POLR3F: variants seen among roughly 807,000 people sequenced by gnomAD.
POLR3F encodes the protein DNA-directed RNA polymerase III subunit RPC6.
Under a neutral mutation model 43.6 loss-of-function variants are expected in POLR3F, and 31 were observed. That is an observed-to-expected ratio of 0.71 (90% CI 0.53 to 0.96). The LOEUF is 0.96. Among genes scored for constraint, POLR3F ranks in the 40% least tolerant of loss-of-function variants. POLR3F has a pLI of 0.00. For synonymous variants in POLR3F, 114 were observed against 132.5 expected, an observed-to-expected ratio of 0.86 and a Z score of 0.96; for missense variants, 316 against 391.7, an observed-to-expected ratio of 0.81 and a Z score of 1.63.
intron 2 of POLR3F, among the ~76,000 whole-genome samples, chr20:18,470,895 C>A (rs1468513693): frequency 6.6e-6 from 1 of 152,180 alleles, no homozygotes; most frequent in African/African-American, 2.4e-5. Context: ...CACACCCCCT[C>A]CATTTCTATC....
intron 4 of POLR3F, among the ~76,000 whole-genome samples, chr20:18,473,838 G>A (rs561598841): frequency 8.3e-4 from 127 of 152,098 alleles, no homozygotes; most frequent in African/African-American, 2.8e-3. Context: ...ATAAATTGTG[G>A]ATGCTGACAC....
intron 5 of POLR3F, among the ~76,000 whole-genome samples, chr20:18,475,466 CT>C (rs1193850725): frequency 1.3e-5 from 2 of 152,234 alleles, no homozygotes; most frequent in Non-Finnish European, 2.9e-5. Flanking sequence ...AGATAATTTA[CT>C]TTATCCCGAC....
chr20:18,469,066 G>A lies in POLR3F; in HGVS notation c.180+5G>A, dbSNP rs773822679. 4.0e-6 allele frequency: 5 copies of A among 1,262,710 alleles called. No individual in the cohort carries two copies. The highest frequency in any genetic ancestry group is 5.8e-6 in the Non-Finnish European group (5 of 859,336). 78.2% of individuals were successfully genotyped at this position (1,262,710 alleles called of 1,614,324 possible). Reference sequence around the variant, plus strand: ...ATCAATAGGTTGTTGTCTATGGTAAGGTGAATCTAACTATTTTGCATAATT... The same window carrying A: ...ATCAATAGGTTGTTGTCTATGGTAAAGTGAATCTAACTATTTTGCATAATT... On this transcript the variant is annotated splice_donor_5th_base_variant and intron_variant, in intron 2 of 8. Coordinates refer to ENST00000377603, the MANE Select transcript of POLR3F (RefSeq NM_006466.4).
At chr20:18,481,195 C>T (rs2059807390) in intron 7 of POLR3F, among the ~76,000 whole-genome samples, 1 of 152,126 alleles carries the variant, frequency 6.6e-6, no homozygotes, top group Non-Finnish European at 1.5e-5. Flanking sequence ...TACTCCACCC[C>T]AGCATAATGT....
At chr20:18,468,295 T>A (rs2059715462) in intron 1 of POLR3F, among the ~76,000 whole-genome samples, 1 of 152,250 alleles carries the variant, frequency 6.6e-6, no homozygotes, top group Non-Finnish European at 1.5e-5. Context: ...TGGGATGGTC[T>A]CGATCTCCTG....
Position 18,483,773 on chromosome 20 carries a change from GAAATTCATTCTTC to G in POLR3F, c.*218_*230del, listed in dbSNP as rs549163757. ...ATATGAAAGAAATAAGGTTAGTAGT[GAAATTCATTCTTC>G]AATAAATAAAACACTTTGAAACTCC... On this transcript the variant is annotated 3_prime_UTR_variant, in exon 9 of 9. Coordinates refer to ENST00000377603, the MANE Select transcript of POLR3F (RefSeq NM_006466.4). 9.7e-3 allele frequency: 3,975 copies of G among 411,834 alleles called. 42 individuals are homozygous for G. Among genetic ancestry groups the G allele is most frequent in the South Asian group, 0.044 (484 of 11,110 alleles). 25.5% of individuals were successfully genotyped at this position (411,834 alleles called of 1,614,324 possible).
In POLR3F at chr20:18,467,444, C is replaced by T; in HGVS notation, c.-63C>T. The T allele has an allele frequency of 7.6e-6, 12 of 1,580,136 alleles. No homozygotes were observed. The highest frequency in any genetic ancestry group is 2.2e-5 in the East Asian group (1 of 44,736). ...CTATCCTCCACTGGTTCCCCGGGTT[C>T]CCCGGCTTGCTACCGGGCTGCTCCG... On this transcript the variant is annotated 5_prime_UTR_variant, in exon 1 of 9. Transcript: ENST00000377603.
intron 2 of POLR3F, among the ~76,000 whole-genome samples, chr20:18,471,165 C>T (rs1443058664): frequency 1.3e-5 from 2 of 152,186 alleles, no homozygotes; most frequent in Non-Finnish European, 2.9e-5. Flanking sequence ...TGTTCACCAG[C>T]CTCATCTCCA....
chr20:18,467,686 A>G, intron 1 of POLR3F, 118 bp downstream of exon 1: 1 of 1,544,986 alleles, frequency 6.5e-7, no homozygotes, highest in Non-Finnish European at 8.7e-7. Flanking sequence ...GCACGCGGGA[A>G]AAACGATTGC....
chr20:18,480,063 T>C lies in POLR3F; in HGVS notation c.455T>C (p.Leu152Pro). 2 of 1,611,908 alleles carry C rather than the reference T, an allele frequency of 1.2e-6. No homozygotes were observed. Among genetic ancestry groups the C allele is most frequent in the Non-Finnish European group, 1.7e-6 (2 of 1,178,748 alleles). Residue 152 changes from leucine (L) to proline (P), a missense_variant, in exon 6 of 9, where the codon CTC (leucine) becomes CCC (proline). Transcript: ENST00000377603. ...VAASKKKVYM[L>P]YNLQPDRSVT... ...GCCTCAAAAAAGAAGGTGTATATGC[T>C]CTATAACCTGCAGCCAGACCGGTCT... is the stretch of plus-strand genomic sequence containing the variant.
Position 18,467,428 on chromosome 20 carries a change from A to G in POLR3F, c.-79A>G, listed in dbSNP as rs730203. On this transcript the variant is annotated 5_prime_UTR_variant, in exon 1 of 9. Coordinates refer to ENST00000377603, the MANE Select transcript of POLR3F (RefSeq NM_006466.4). ...CGGCCTCAGCAGAGCGCTATCCTCC[A>G]CTGGTTCCCCGGGTTCCCCGGCTTG... is the stretch of plus-strand genomic sequence containing the variant. The G allele has an allele frequency of 6.5e-5, 98 of 1,511,092 alleles. No homozygotes were observed. The highest frequency in any genetic ancestry group is 3.4e-4 in the Middle Eastern group (2 of 5,862). 93.6% of individuals were successfully genotyped at this position (1,511,092 alleles called of 1,614,324 possible).
At position 18,483,476 on chromosome 20, in the gene POLR3F, TA is replaced by T; in HGVS notation, c.874-2del. The T allele has an allele frequency of 1.4e-6, 2 of 1,413,092 alleles. No homozygotes were observed. Among genetic ancestry groups the T allele is most frequent in the Non-Finnish European group, 9.8e-7 (1 of 1,021,568 alleles). The allele number at this position is 1,413,092 out of a possible 1,614,324, so 87.5% of individuals were successfully genotyped here. A position where few individuals can be genotyped will look rare whatever the true frequency, so the allele number is the denominator to read the frequency against. On this transcript the variant is annotated splice_polypyrimidine_tract_variant and splice_region_variant and intron_variant, in intron 8 of 8. Transcript: ENST00000377603. ...TTGAATATAATTTTTTTTTCTTTTT[TA>T]AAGGTTTTTGATGACTGCCACGAAG...
At chr20:18,470,188 TAA>T (rs1013095470) in intron 2 of POLR3F, among the ~76,000 whole-genome samples, 9 of 152,358 alleles carry the variant, frequency 5.9e-5, no homozygotes, top group Non-Finnish European at 1.3e-4. Context: ...GCAGTTAGGT[TAA>T]AGAGTTCTAC....
At chr20:18,479,153 A>G (rs1645990834) in intron 5 of POLR3F, among the ~76,000 whole-genome samples, 1 of 152,062 alleles carries the variant, frequency 6.6e-6, no homozygotes. Flanking sequence ...TTTCAAAAAA[A>G]AAAAGAAAAG....
intron 7 of POLR3F, 137 bp from the exon 8 acceptor site, chr20:18,481,481 CA>C: frequency 1.6e-6 from 1 of 619,134 alleles, no homozygotes; most frequent in Non-Finnish European, 2.9e-6. Context: ...TCAAGTGATC[CA>C]CCTGCCTCGG....
At chr20:18,468,419 G>A (rs536615665) in intron 1 of POLR3F, among the ~76,000 whole-genome samples, 5 of 152,260 alleles carry the variant, frequency 3.3e-5, no homozygotes, top group East Asian at 3.9e-4. Flanking sequence ...AGATTTTCAC[G>A]TAGTTTTAAA....
intron 7 of POLR3F, 81 bp downstream of exon 7, chr20:18,480,590 ATTGT>A (rs2059804883): frequency 4.0e-6 from 3 of 747,790 alleles, no homozygotes; most frequent in Non-Finnish European, 6.3e-6. Flanking sequence ...TTTGACCCAC[ATTGT>A]TTTTTTTTTT....
intron 2 of POLR3F, among the ~76,000 whole-genome samples, chr20:18,472,248 A>C (rs907284532): frequency 6.6e-6 from 1 of 152,118 alleles, no homozygotes; most frequent in Non-Finnish European, 1.5e-5. Flanking sequence ...GCTTTTCAAG[A>C]TGGAGTCTTG....
At position 18,481,793 on chromosome 20, in the gene POLR3F, C is replaced by G; in HGVS notation, c.856C>G (p.Pro286Ala). The change falls in exon 8 of 9, where the codon CCC (proline) becomes GCC (alanine). Residue 286 changes from proline (P) to alanine (A), a missense_variant. Physicochemically the swap from Pro to Ala is conservative, Grantham distance 27 (BLOSUM62 -1). This residue lies in a region of POLR3F where 85 missense variants were observed against 80.2 expected (regional missense o/e 1.06). Coordinates refer to ENST00000377603, the MANE Select transcript of POLR3F (RefSeq NM_006466.4). ...IIPPTGLVRA[P>A]CGLCPVFDDC... ...CCCTCCCACAGGTTTGGTCCGGGCACCCTGTGGACTCTGCCCGGTGAGTTA... is the reference window on the plus strand; with the variant it reads ...CCCTCCCACAGGTTTGGTCCGGGCAGCCTGTGGACTCTGCCCGGTGAGTTA... 6.2e-7 allele frequency: 1 copy of G among 1,612,206 alleles called. No individual in the cohort carries two copies. The highest frequency in any genetic ancestry group is 8.5e-7 in the Non-Finnish European group (1 of 1,178,426).
Sources: gnomAD v4.1 joint callset for allele counts (sites outside exome capture counted in the v4.1 genomes callset) on GRCh38, gnomAD v4.1.1 for gene constraint, gnomAD v4.1.1 regional missense constraint, MANE v1.5 for transcripts, NCBI Gene and HGNC (gene_info 2026-07-23, HGNC 2026-07-21) for gene names.